Variants in DCC observed in about 807,000 individuals in gnomAD.
DCC encodes the protein netrin receptor DCC.
Under a neutral mutation model 172.5 loss-of-function variants are expected in DCC, and 58 were observed. The observed-to-expected ratio is 0.34, with a 90% CI of 0.27 to 0.42. The LOEUF (loss-of-function observed/expected upper bound fraction) is 0.42, where lower values mean the gene tolerates loss of function less well. Ranked by LOEUF, DCC falls within the 10% of genes least tolerant of loss-of-function variation. The probability of loss-of-function intolerance (pLI) is 1.00; values close to 1 mark genes in which losing one functional copy is unlikely to be tolerated. For synonymous variants in DCC, 709 were observed against 644.5 expected (o/e 1.10, Z -1.52); for missense variants, 1,740 against 1,791.0 (o/e 0.97, Z 0.51).
At chr18:53,272,948 G>C (rs952378132) in intron 12 of DCC, among the ~76,000 whole-genome samples, 1 of 152,002 alleles carries the variant, frequency 6.6e-6, no homozygotes, top group Non-Finnish European at 1.5e-5. Flanking sequence ...CACAGATAAA[G>C]AAATATAAAT....
intron 3 of DCC, among the ~76,000 whole-genome samples, chr18:52,921,721 AATAAT>A (rs1300500957): frequency 6.7e-6 from 1 of 149,676 alleles, no homozygotes; most frequent in African/African-American, 2.5e-5. Context: ...TAATAATAAT[AATAAT>A]ATATATAAAT....
intron 12 of DCC, among the ~76,000 whole-genome samples, chr18:53,242,053 T>A (rs979674760): frequency 2.6e-5 from 4 of 152,160 alleles, no homozygotes; most frequent in African/African-American, 4.8e-5. Flanking sequence ...GCAGTCTTTT[T>A]AAAAAGTTTT....
intron 15 of DCC, among the ~76,000 whole-genome samples, chr18:53,348,781 C>T (rs1366919514): frequency 6.6e-6 from 1 of 152,158 alleles, no homozygotes; most frequent in African/African-American, 2.4e-5. Flanking sequence ...TGGCACCTTT[C>T]AGTCATGGCA....
At chr18:52,951,311 A>G (rs2040642752) in intron 5 of DCC, among the ~76,000 whole-genome samples, 1 of 152,162 alleles carries the variant, frequency 6.6e-6, no homozygotes, top group South Asian at 2.1e-4. Flanking sequence ...GCATGTGCAG[A>G]ATGTGCAGGT....
intron 22 of DCC, among the ~76,000 whole-genome samples, chr18:53,444,270 G>T (rs761596591): frequency 3.3e-5 from 5 of 152,152 alleles, no homozygotes; most frequent in Non-Finnish European, 7.3e-5. Context: ...GGCTGGGCAT[G>T]GTGGCTTATG....
chr18:52,982,523 T>C (rs1362754045), intron 5 of DCC, among the ~76,000 whole-genome samples: 1 of 152,078 alleles, frequency 6.6e-6, no homozygotes, highest in Non-Finnish European at 1.5e-5. Flanking sequence ...GACTCAGCAA[T>C]AGTAACATTT....
chr18:52,606,020 A>G (rs1038869749), intron 1 of DCC, among the ~76,000 whole-genome samples: 2 of 152,228 alleles, frequency 1.3e-5, no homozygotes, highest in East Asian at 3.9e-4. Flanking sequence ...GGGTTACCCT[A>G]AGTTTCACTA....
At chr18:53,279,096 T>A (rs998108220) in intron 12 of DCC, among the ~76,000 whole-genome samples, 1 of 152,180 alleles carries the variant, frequency 6.6e-6, no homozygotes, top group African/African-American at 2.4e-5. Context: ...TTTTCAATGA[T>A]CGCCATTCTA....
intron 22 of DCC, among the ~76,000 whole-genome samples, chr18:53,443,329 C>T (rs753342397): frequency 5.9e-5 from 9 of 152,192 alleles, no homozygotes; most frequent in Non-Finnish European, 1.3e-4. Context: ...ATCTACTCTG[C>T]CTGTACCCTA....
chr18:53,258,733 T>C (rs904276474), intron 12 of DCC, among the ~76,000 whole-genome samples: 13 of 152,214 alleles, frequency 8.5e-5, no homozygotes, highest in Non-Finnish European at 4.4e-5. Context: ...TAGGTCCACT[T>C]GGTGCAGAGC....
At chr18:52,549,669 G>C (rs1200237260) in intron 1 of DCC, among the ~76,000 whole-genome samples, 3 of 152,032 alleles carry the variant, frequency 2.0e-5, no homozygotes, top group Non-Finnish European at 2.9e-5. Context: ...TCATCTTTTT[G>C]TAGTAGCATC....
intron 1 of DCC, among the ~76,000 whole-genome samples, chr18:52,623,504 T>C (rs2034519041): frequency 6.6e-6 from 1 of 152,172 alleles, no homozygotes; most frequent in Non-Finnish European, 1.5e-5. Context: ...TGGATTATAA[T>C]TGTCTATTTA....
At chr18:53,176,927 C>T (rs1455573923) in intron 8 of DCC, among the ~76,000 whole-genome samples, 2 of 151,324 alleles carry the variant, frequency 1.3e-5, no homozygotes, top group South Asian at 4.2e-4. Flanking sequence ...TTGGAACCAA[C>T]CCAAATGTCC....
At chr18:52,370,835 T>C (rs966885961) in intron 1 of DCC, among the ~76,000 whole-genome samples, 2 of 152,208 alleles carry the variant, frequency 1.3e-5, no homozygotes, top group African/African-American at 4.8e-5. Flanking sequence ...TAAAAAATAT[T>C]TTTTGATGGA....
intron 15 of DCC, among the ~76,000 whole-genome samples, chr18:53,340,995 C>T (rs964821068): frequency 6.6e-6 from 1 of 152,154 alleles, no homozygotes; most frequent in Non-Finnish European, 1.5e-5. Flanking sequence ...TCTATAATTG[C>T]TTCAAACACT....
At chr18:52,857,110 G>A (rs1259437065) in intron 2 of DCC, among the ~76,000 whole-genome samples, 1 of 141,574 alleles carries the variant, frequency 7.1e-6, no homozygotes, top group African/African-American at 2.4e-5. Flanking sequence ...TTTCCATTTT[G>A]GAAAAAAAAT....
At chr18:52,968,868 G>A (rs1479666840) in intron 5 of DCC, among the ~76,000 whole-genome samples, 1 of 152,102 alleles carries the variant, frequency 6.6e-6, no homozygotes, top group Non-Finnish European at 1.5e-5. Context: ...AATATTTGCT[G>A]TTTATCTGAA....
At chr18:53,115,378 T>A (rs2043394063) in intron 7 of DCC, among the ~76,000 whole-genome samples, 1 of 151,616 alleles carries the variant, frequency 6.6e-6, no homozygotes, top group Admixed American at 6.6e-5. Flanking sequence ...TTTGCTTGTT[T>A]TACCTAGCAT....
chr18:52,631,179 CT>C, intron 1 of DCC, among the ~76,000 whole-genome samples: 1 of 152,254 alleles, frequency 6.6e-6, no homozygotes, highest in South Asian at 2.1e-4. Flanking sequence ...GTTTGGGACA[CT>C]TTTTTCTACC....
Sources: gnomAD v4.1 joint callset for allele counts (sites outside exome capture counted in the v4.1 genomes callset) on GRCh38, gnomAD v4.1.1 for gene constraint, MANE v1.5 for transcripts, NCBI Gene and HGNC (gene_info 2026-07-23, HGNC 2026-07-21) for gene names.